The following BCL11B variants were observed in gnomAD, a reference collection of about 807,000 sequenced individuals.
The protein encoded by BCL11B is BCL11 transcription factor B, also known as B-cell lymphoma/leukemia 11B.
Under a neutral mutation model 49.9 loss-of-function variants are expected in BCL11B, and 8 were observed. That is an observed-to-expected ratio of 0.16 (90% CI 0.09 to 0.29). The LOEUF is 0.29. BCL11B is among the 10% of genes least tolerant of loss of function. BCL11B has a pLI of 1.00. For missense variants in BCL11B, 1,006 were observed against 1,351.0 expected (o/e 0.74, Z 4.00); for synonymous variants, 739 against 637.4 (o/e 1.16, Z -2.40).
At chr14:99,187,688 G>C (rs561828085) in intron 3 of BCL11B, among the ~76,000 whole-genome samples, 1 of 148,050 alleles carries the variant, frequency 6.8e-6, no homozygotes, top group Non-Finnish European at 1.5e-5. Context: ...GCCAGGAGTC[G>C]GCTGCAGGTG....
chr14:99,230,567 C>G (rs1428484786), intron 3 of BCL11B, among the ~76,000 whole-genome samples: 1 of 152,208 alleles, frequency 6.6e-6, no homozygotes, highest in Non-Finnish European at 1.5e-5. Context: ...CCAAGGATTC[C>G]CAGAGACCCT....
At chr14:99,234,185 G>A (rs564858687) in intron 2 of BCL11B, among the ~76,000 whole-genome samples, 2 of 152,088 alleles carry the variant, frequency 1.3e-5, no homozygotes, top group Non-Finnish European at 2.9e-5. Context: ...TGGCTAATGG[G>A]CACAGAGTTT....
At position 99,172,510 on chromosome 14, in the gene BCL11B, A is replaced by G. The variant is rs1336419818; in HGVS notation, c.*1641T>C. 4.8e-6 allele frequency: 1 copy of G among 206,406 alleles called. No individual in the cohort carries two copies. The highest frequency in any genetic ancestry group is 9.9e-6 in the Non-Finnish European group (1 of 101,136). 12.8% of individuals were successfully genotyped at this position (206,406 alleles called of 1,614,324 possible). A position where few individuals can be genotyped will look rare whatever the true frequency, so the allele number is the denominator to read the frequency against. ...TTTCATTTCAAAAAAAAAGTTTTGC[A>G]TTTGTCTCAAGAGACTCAAATAGGA... On this transcript the variant is annotated 3_prime_UTR_variant, in exon 4 of 4. Coordinates refer to ENST00000357195, the MANE Select transcript of BCL11B (RefSeq NM_138576.4).
Position 99,175,900 on chromosome 14 carries a change from G to C in BCL11B, c.936C>G (p.Gly312=). 6.9e-7 allele frequency: 1 copy of C among 1,455,142 alleles called. No individual in the cohort carries two copies. 90.1% of individuals were successfully genotyped at this position (1,455,142 alleles called of 1,614,324 possible). A position where few individuals can be genotyped will look rare whatever the true frequency, so the allele number is the denominator to read the frequency against. ...HPGFGEGRLP[G]TPPLFSPPPR... ...GCGGGGGACTGAAGAGAGGCGGCGT[G>C]CCCGGCAGGCGGCCCTCGCCGAAGC... The change falls in exon 4 of 4, where the codon GGC becomes GGG. Residue 312 remains glycine, a synonymous_variant. Coordinates refer to ENST00000357195, the MANE Select transcript of BCL11B (RefSeq NM_138576.4).
At chr14:99,237,527 C>T (rs1456823642) in intron 2 of BCL11B, among the ~76,000 whole-genome samples, 1 of 152,160 alleles carries the variant, frequency 6.6e-6, no homozygotes, top group African/African-American at 2.4e-5. Context: ...CCCCAGGCCC[C>T]ACCTCCCACT....
chr14:99,205,331 C>T lies in BCL11B; in HGVS notation c.640+26014G>A, dbSNP rs918117699. ...ATCCGGGGACAGTCCCTAACTGAGA[C>T]GGCCCAGGCCAGCAGGGCCAGTGGA... On this transcript the variant is annotated intron_variant, in intron 3 of 3. Coordinates refer to ENST00000357195, the MANE Select transcript of BCL11B (RefSeq NM_138576.4). This position sits in a 1 kb window ranked among gnomAD's most constrained non-coding sequence, Gnocchi z 5.0. Among the ~76,000 whole-genome samples, 19 of 152,286 alleles carry T rather than the reference C, an allele frequency of 1.2e-4. No individual in the cohort carries two copies. The highest frequency in any genetic ancestry group is 3.4e-4 in the African/African-American group (14 of 41,548).
In BCL11B at chr14:99,248,607, C is replaced by T. The variant is rs1888915019; in HGVS notation, c.427+8864G>A. On this transcript the variant is annotated intron_variant, in intron 2 of 3. Coordinates refer to ENST00000357195, the MANE Select transcript of BCL11B (RefSeq NM_138576.4). This position sits in a 1 kb window ranked among gnomAD's most constrained non-coding sequence, Gnocchi z 4.7. ...TCACGGTGAGTGGACCAAATTCTCC[C>T]ATAAGGATCTTCACAGCCTGGGGCA... Among the ~76,000 whole-genome samples, 1 of 152,230 alleles carries T rather than the reference C, an allele frequency of 6.6e-6. No homozygotes were observed. The highest frequency in any genetic ancestry group is 1.5e-5 in the Non-Finnish European group (1 of 68,036).
At chr14:99,176,288 C>G in intron 3 of BCL11B, 93 bp from the exon 4 acceptor site, 1 of 1,157,522 alleles carries the variant, frequency 8.6e-7, no homozygotes, top group Non-Finnish European at 1.2e-6. Context: ...GGGACGCGGC[C>G]CGGGCTGATC....
intron 3 of BCL11B, among the ~76,000 whole-genome samples, chr14:99,221,376 G>A (rs190038983): frequency 9.2e-5 from 14 of 152,288 alleles, no homozygotes; most frequent in Non-Finnish European, 1.6e-4. Context: ...AGCGGCCCCC[G>A]TTTCTGCAGG....
At chr14:99,212,323 A>T (rs1385167274) in intron 3 of BCL11B, among the ~76,000 whole-genome samples, 1 of 138,078 alleles carries the variant, frequency 7.2e-6, no homozygotes, top group Non-Finnish European at 1.7e-5. Context: ...ATGTTGTCCA[A>T]ATGTGCAAAC....
At chr14:99,255,403 T>G (rs1595078532) in intron 2 of BCL11B, among the ~76,000 whole-genome samples, 1 of 40,068 alleles carries the variant, frequency 2.5e-5, no homozygotes, top group African/African-American at 1.2e-4. Flanking sequence ...TATCACAACC[T>G]GGAAAAAAAA....
intron 3 of BCL11B, among the ~76,000 whole-genome samples, chr14:99,214,066 G>A (rs899814526): frequency 6.6e-5 from 10 of 152,156 alleles, no homozygotes; most frequent in African/African-American, 2.2e-4. Flanking sequence ...AATTAGTGGA[G>A]AGGATATTAC....
At chr14:99,209,704 A>C (rs1566811129) in intron 3 of BCL11B, among the ~76,000 whole-genome samples, 1 of 152,046 alleles carries the variant, frequency 6.6e-6, no homozygotes, top group South Asian at 2.1e-4. Flanking sequence ...AAGAAGCCCG[A>C]GGGTGGGTGA....
chr14:99,240,006 T>C (rs773848424), intron 2 of BCL11B, among the ~76,000 whole-genome samples: 3 of 152,158 alleles, frequency 2.0e-5, no homozygotes, highest in Non-Finnish European at 4.4e-5. Context: ...GGAACAGAAA[T>C]TTCAGGTGCA....
Position 99,172,833 on chromosome 14 carries a change from C to T in BCL11B, c.*1318G>A, listed in dbSNP as rs529258570. ...AGTTCAATATTTAGTACCTTCCAACCTAATGAGATAGGAAAAAAAAAATAA... is the reference window on the plus strand; with the variant it reads ...AGTTCAATATTTAGTACCTTCCAACTTAATGAGATAGGAAAAAAAAAATAA... On this transcript the variant is annotated 3_prime_UTR_variant, in exon 4 of 4. Coordinates refer to ENST00000357195, the MANE Select transcript of BCL11B (RefSeq NM_138576.4). 36 of 223,060 alleles carry T rather than the reference C, an allele frequency of 1.6e-4. No individual in the cohort carries two copies. The highest frequency in any genetic ancestry group is 2.8e-4 in the Non-Finnish European group (31 of 111,876). 13.8% of individuals were successfully genotyped at this position (223,060 alleles called of 1,614,324 possible). A position where few individuals can be genotyped will look rare whatever the true frequency, so the allele number is the denominator to read the frequency against.
chr14:99,176,056 C>T lies in BCL11B; in HGVS notation c.780G>A (p.Thr260=), dbSNP rs751135896. The change falls in exon 4 of 4, where the codon ACG becomes ACA. Residue 260 remains threonine, a synonymous_variant. Coordinates refer to ENST00000357195, the MANE Select transcript of BCL11B (RefSeq NM_138576.4). The part of the protein sequence containing the change: ...LEPGPASSSL[T]PRLTIPPPLG... ...GCGGCGGCGGGATGGTGAGCCGCGG[C>T]GTGAGCGAGCTGCTGGCCGGCCCGG... 6.3e-6 allele frequency: 10 copies of T among 1,599,772 alleles called. No homozygotes were observed. The highest frequency in any genetic ancestry group is 8.5e-6 in the Non-Finnish European group (10 of 1,173,026).
At position 99,173,566 on chromosome 14, in the gene BCL11B, T is replaced by TA. The variant is rs1425306111; in HGVS notation, c.*584dup. ...CAAAAACAAAAACCAAAAAAAAAAT[T>TA]AAAAAATAATTAAAAAAAAAACTGC... On this transcript the variant is annotated 3_prime_UTR_variant, in exon 4 of 4. Coordinates refer to ENST00000357195, the MANE Select transcript of BCL11B (RefSeq NM_138576.4). 5 of 165,808 alleles carry TA rather than the reference T, an allele frequency of 3.0e-5. No homozygotes were observed. Among genetic ancestry groups the TA allele is most frequent in the South Asian group, 2.4e-4 (1 of 4,172 alleles). 10.3% of individuals were successfully genotyped at this position (165,808 alleles called of 1,614,324 possible).
At chr14:99,180,214 A>G (rs2139771788) in intron 3 of BCL11B, among the ~76,000 whole-genome samples, 1 of 152,304 alleles carries the variant, frequency 6.6e-6, no homozygotes. Flanking sequence ...TCCCACTGAT[A>G]GGTCAAGGCC....
chr14:99,215,678 C>T (rs1887813621), intron 3 of BCL11B, among the ~76,000 whole-genome samples: 1 of 152,234 alleles, frequency 6.6e-6, no homozygotes, highest in Admixed American at 6.5e-5. Flanking sequence ...CCGGCTCGCA[C>T]TGCCTCCATA....
Sources: allele counts gnomAD v4.1 joint callset (sites outside exome capture counted in the v4.1 genomes callset), GRCh38; gene constraint gnomAD v4.1.1; non-coding constraint Gnocchi (gnomAD v3.1); transcripts MANE v1.5; gene names NCBI Gene and HGNC (gene_info 2026-07-23, HGNC 2026-07-21).